Variants in CNTN1 observed in about 807,000 individuals in gnomAD.
The protein encoded by CNTN1 is contactin 1, also known as contactin-1.
Under a neutral mutation model 126.4 loss-of-function variants are expected in CNTN1, and 38 were observed. The ratio of observed to expected loss-of-function variants is 0.30; its 90% confidence interval spans 0.23 to 0.39. The LOEUF is 0.39. Ranked by LOEUF, CNTN1 falls within the 10% of genes least tolerant of loss-of-function variation. The probability of loss-of-function intolerance (pLI) is 1.00; values close to 1 mark genes in which losing one functional copy is unlikely to be tolerated. For missense variants in CNTN1, 1,009 were observed against 1,248.4 expected (o/e 0.81, Z 2.89); for synonymous variants, 413 against 422.6 (o/e 0.98, Z 0.28).
chr12:40,753,180 A>G (rs1938469297), intron 1 of CNTN1, among the ~76,000 whole-genome samples: 1 of 152,124 alleles, frequency 6.6e-6, no homozygotes, highest in African/African-American at 2.4e-5. Flanking sequence ...GAGTGAAGAG[A>G]GGCAAACCTT....
intron 1 of CNTN1, among the ~76,000 whole-genome samples, chr12:40,850,228 A>G (rs1188129354): frequency 1.3e-5 from 2 of 152,112 alleles, no homozygotes; most frequent in Admixed American, 6.5e-5. Context: ...TCATTATGAA[A>G]TTAACTTATG....
At chr12:40,926,171 G>GGATAGATAGTTA (rs1945680043) in intron 6 of CNTN1, among the ~76,000 whole-genome samples, 1 of 137,512 alleles carries the variant, frequency 7.3e-6, no homozygotes, top group Admixed American at 7.5e-5. Flanking sequence ...TGCTAAATAA[G>GGATAGATAGTTA]GATAGATAGA....
chr12:40,783,964 T>C (rs1290755912), intron 1 of CNTN1, among the ~76,000 whole-genome samples: 1 of 152,180 alleles, frequency 6.6e-6, no homozygotes, highest in Non-Finnish European at 1.5e-5. Context: ...AATTTTATGC[T>C]AAATTTTCAG....
chr12:40,792,881 G>A (rs967243950), intron 1 of CNTN1, among the ~76,000 whole-genome samples: 1 of 151,948 alleles, frequency 6.6e-6, no homozygotes, highest in Non-Finnish European at 1.5e-5. Flanking sequence ...ATATTTCTTT[G>A]GCCTATTTTG....
chr12:40,894,975 C>A (rs1944357150), intron 1 of CNTN1, among the ~76,000 whole-genome samples: 1 of 152,098 alleles, frequency 6.6e-6, no homozygotes, highest in African/African-American at 2.4e-5. Context: ...TAGAATGATT[C>A]TTTTCTTTAA....
chr12:40,950,829 C>T (rs1254047837), intron 14 of CNTN1, among the ~76,000 whole-genome samples: 2 of 152,068 alleles, frequency 1.3e-5, no homozygotes, highest in Non-Finnish European at 2.9e-5. Flanking sequence ...CATGTATAGA[C>T]CATGTTAGCT....
At chr12:40,837,850 A>T (rs1942119376) in intron 1 of CNTN1, among the ~76,000 whole-genome samples, 1 of 152,132 alleles carries the variant, frequency 6.6e-6, no homozygotes. Flanking sequence ...AGCTGGGTGG[A>T]CACTCCTGTA....
intron 1 of CNTN1, among the ~76,000 whole-genome samples, chr12:40,896,821 A>G (rs928984801): frequency 6.6e-6 from 1 of 152,230 alleles, no homozygotes; most frequent in Non-Finnish European, 1.5e-5. Context: ...ATTTTTGACA[A>G]GGGAGAAGAC....
At chr12:41,058,420 C>T (rs1008817143) in intron 23 of CNTN1, among the ~76,000 whole-genome samples, 1 of 152,004 alleles carries the variant, frequency 6.6e-6, no homozygotes, top group African/African-American at 2.4e-5. Flanking sequence ...GATAGAAATG[C>T]TGGTATTGAA....
chr12:40,838,539 C>A (rs1442654218), intron 1 of CNTN1, among the ~76,000 whole-genome samples: 3 of 152,130 alleles, frequency 2.0e-5, no homozygotes, highest in Non-Finnish European at 4.4e-5. Context: ...CAAAAATAGG[C>A]AAACTCAACC....
At chr12:40,937,825 A>G (rs555055235) in intron 11 of CNTN1, 138 bp downstream of exon 11, 1 of 679,100 alleles carries the variant, frequency 1.5e-6, no homozygotes, top group East Asian at 2.7e-5. Flanking sequence ...TGATTTATTT[A>G]TTGCTAATTA....
chr12:40,925,479 T>C (rs1565961140), intron 6 of CNTN1, among the ~76,000 whole-genome samples: 1 of 150,662 alleles, frequency 6.6e-6, no homozygotes, highest in South Asian at 2.1e-4. Context: ...TATGTACATA[T>C]ACACACACAT....
chr12:40,853,484 A>G (rs998847894), intron 1 of CNTN1, among the ~76,000 whole-genome samples: 1 of 152,100 alleles, frequency 6.6e-6, no homozygotes, highest in Non-Finnish European at 1.5e-5. Context: ...TTTGTATTTG[A>G]TCTGTGACAT....
intron 1 of CNTN1, among the ~76,000 whole-genome samples, chr12:40,767,814 A>G (rs780179029): frequency 6.6e-5 from 10 of 152,116 alleles, no homozygotes; most frequent in South Asian, 4.1e-4. Context: ...TTTTCTTATT[A>G]ATTTATATTT....
intron 1 of CNTN1, among the ~76,000 whole-genome samples, chr12:40,801,015 GTT>G (rs1213318457): frequency 7.0e-6 from 1 of 143,670 alleles, no homozygotes. Flanking sequence ...CTAGAGTTTT[GTT>G]TTTTTTTTTT....
intron 1 of CNTN1, among the ~76,000 whole-genome samples, chr12:40,799,639 A>G (rs1295365432): frequency 2.0e-5 from 3 of 152,050 alleles, no homozygotes; most frequent in African/African-American, 7.2e-5. Flanking sequence ...GTAAGTAAGC[A>G]TTTATTATAA....
intron 1 of CNTN1, among the ~76,000 whole-genome samples, chr12:40,803,257 G>T (rs1181113151): frequency 6.6e-6 from 1 of 151,984 alleles, no homozygotes; most frequent in African/African-American, 2.4e-5. Context: ...TGATGTGGAT[G>T]TTGTGTCACT....
intron 1 of CNTN1, among the ~76,000 whole-genome samples, chr12:40,738,434 G>T (rs866228974): frequency 3.3e-5 from 5 of 152,036 alleles, no homozygotes; most frequent in Admixed American, 2.6e-4. Context: ...AAATATGTGG[G>T]TGACTTTTGT....
At chr12:40,916,289 A>G (rs1945242245) in intron 3 of CNTN1, among the ~76,000 whole-genome samples, 4 of 152,126 alleles carry the variant, frequency 2.6e-5, no homozygotes, top group African/African-American at 9.6e-5. Flanking sequence ...AGAAGAAACA[A>G]CAAGATCTTC....
Sources: gnomAD v4.1 joint callset for allele counts (sites outside exome capture counted in the v4.1 genomes callset) on GRCh38, gnomAD v4.1.1 for gene constraint, MANE v1.5 for transcripts, NCBI Gene and HGNC (gene_info 2026-07-23, HGNC 2026-07-21) for gene names.